CDK12: variants seen among roughly 807,000 people sequenced by gnomAD.
CDK12 encodes the protein cyclin dependent kinase 12.
In CDK12, 17 loss-of-function variants were observed where a neutral mutation model predicts 133.8. The ratio of observed to expected loss-of-function variants is 0.13; its 90% CI spans 0.09 to 0.19. The LOEUF (loss-of-function observed/expected upper bound fraction) is 0.19. Among genes scored for constraint, CDK12 ranks in the 10% least tolerant of loss-of-function variants. The probability of loss-of-function intolerance (pLI) is 1.00; values close to 1 mark genes in which losing one functional copy is unlikely to be tolerated. For missense variants in CDK12, 1,508 were observed against 1,818.7 expected, an observed-to-expected ratio of 0.83 and a Z score of 3.11; for synonymous variants, 694 against 683.6, an observed-to-expected ratio of 1.02 and a Z score of -0.24.
chr17:39,482,118 A>G (rs543992097), intron 2 of CDK12, among the ~76,000 whole-genome samples: 13 of 147,672 alleles, frequency 8.8e-5, no homozygotes, highest in Admixed American at 4.9e-4. Flanking sequence ...GGTTCAACCA[A>G]TTCTCCTGCC....
At chr17:39,467,764 C>T (rs141923516) in intron 1 of CDK12, among the ~76,000 whole-genome samples, 25 of 152,232 alleles carry the variant, frequency 1.6e-4, no homozygotes, top group African/African-American at 5.5e-4. Flanking sequence ...CAAATATGTA[C>T]AGAAGGAATG....
At chr17:39,489,794 ATT>A (rs375969591) in intron 2 of CDK12, among the ~76,000 whole-genome samples, 4 of 126,056 alleles carry the variant, frequency 3.2e-5, no homozygotes, top group Non-Finnish European at 1.6e-5. Context: ...GCCTGGCCTA[ATT>A]TTTTTTTTTT....
At chr17:39,535,664 A>G (rs1451490614), downstream of CDK12, among the ~76,000 whole-genome samples, 1 of 152,226 alleles carries the variant, frequency 6.6e-6, no homozygotes, top group Non-Finnish European at 1.5e-5. Context: ...ATTTCTAACC[A>G]GAAACCATGC....
chr17:39,537,268 C>T (rs2055175233), downstream of CDK12, among the ~76,000 whole-genome samples: 1 of 152,152 alleles, frequency 6.6e-6, no homozygotes, highest in Non-Finnish European at 1.5e-5. Context: ...AGATGACCCT[C>T]CTCACCAAGG....
chr17:39,516,807 T>A (rs889824693), intron 9 of CDK12, among the ~76,000 whole-genome samples: 1 of 151,408 alleles, frequency 6.6e-6, no homozygotes, highest in African/African-American at 2.4e-5. Context: ...GGACTACAGG[T>A]GCCCACCACC....
At chr17:39,475,548 T>C (rs952432597) in intron 2 of CDK12, among the ~76,000 whole-genome samples, 1 of 138,372 alleles carries the variant, frequency 7.2e-6, no homozygotes, top group African/African-American at 2.6e-5. Flanking sequence ...GAACCTGAAA[T>C]TTTTTTTTTT....
chr17:39,532,214 C>G lies in CDK12; in HGVS notation c.*898C>G. Reference sequence around the variant, plus strand: ...GTTTGGAAAAAATCGTTGAGATGCCCAAGAACCTGGGATAATTCTTTACTT... The same window carrying G: ...GTTTGGAAAAAATCGTTGAGATGCCGAAGAACCTGGGATAATTCTTTACTT... On this transcript the variant is annotated 3_prime_UTR_variant, in exon 14 of 14. Coordinates refer to ENST00000447079, the MANE Select transcript of CDK12 (RefSeq NM_016507.4). 1 of 233,020 alleles carries G rather than the reference C, an allele frequency of 4.3e-6. No individual in the cohort carries two copies. Among genetic ancestry groups the G allele is most frequent in the Non-Finnish European group, 8.5e-6 (1 of 117,946 alleles). The allele number at this position is 233,020 out of a possible 1,614,324, so 14.4% of individuals were successfully genotyped here. A position where few individuals can be genotyped will look rare whatever the true frequency, so the allele number is the denominator to read the frequency against.
Position 39,490,831 on chromosome 17 carries a change from G to A in CDK12, c.2108+98G>A, listed in dbSNP as rs917599722. On this transcript the variant is annotated intron_variant, in intron 3 of 13. Transcript: ENST00000447079. Reference sequence around the variant, plus strand: ...TTCTATAACCCACACCAGTAAGATCGTAGAAGTTTGGTCCCAAAGTATTTT... The same window carrying A: ...TTCTATAACCCACACCAGTAAGATCATAGAAGTTTGGTCCCAAAGTATTTT... 21 of 843,292 alleles carry A rather than the reference G, an allele frequency of 2.5e-5. No individual in the cohort carries two copies. In the South Asian group the frequency reaches 3.9e-4, roughly 16 times the overall value. The allele number at this position is 843,292 out of a possible 1,614,324, so 52.2% of individuals were successfully genotyped here.
In CDK12 at chr17:39,517,428, C is replaced by T. The variant is rs201359838; in HGVS notation, c.2847-12C>T. The T allele has an allele frequency of 3.0e-4, 460 of 1,552,454 alleles. 2 individuals carry two copies. Among genetic ancestry groups the T allele is most frequent in the Admixed American group, 3.8e-4 (22 of 57,786 alleles). On this transcript the variant is annotated splice_polypyrimidine_tract_variant and intron_variant, in intron 9 of 13. Coordinates refer to ENST00000447079, the MANE Select transcript of CDK12 (RefSeq NM_016507.4). ...ACTCACTCCATTGTTCTTGCTTTTGCTTTGTTTTCAGCCGACTTTGTGGTA... is the reference window on the plus strand; with the variant it reads ...ACTCACTCCATTGTTCTTGCTTTTGTTTTGTTTTCAGCCGACTTTGTGGTA...
At chr17:39,530,488 T>C in intron 13 of CDK12, 116 bp from the exon 14 acceptor site, 1 of 1,389,066 alleles carries the variant, frequency 7.2e-7, no homozygotes, top group African/African-American at 1.4e-5. Context: ...GATTTTATTC[T>C]TTATATATCT....
In CDK12 at chr17:39,497,147, G is replaced by A. The variant is rs140643493; in HGVS notation, c.2419+2453G>A. Among the ~76,000 whole-genome samples the A allele has an allele frequency of 2.9e-3, 445 of 152,114 alleles. 1 individual carries two copies. Among genetic ancestry groups the A allele is most frequent in the African/African-American group, 9.5e-3 (395 of 41,510 alleles). ...AGGGTTTCGCCATTTGGCCGGGCTGGTCTCAAACTTCTGTCCCCAGCTGAT... is the reference window on the plus strand; with the variant it reads ...AGGGTTTCGCCATTTGGCCGGGCTGATCTCAAACTTCTGTCCCCAGCTGAT... On this transcript the variant is annotated intron_variant, in intron 5 of 13. Transcript: ENST00000447079.
intron 1 of CDK12, among the ~76,000 whole-genome samples, chr17:39,542,166 T>C (rs949104107): frequency 6.6e-6 from 1 of 151,888 alleles, no homozygotes; most frequent in Non-Finnish European, 1.5e-5. Flanking sequence ...TATATGTGTG[T>C]GTGTGTGTAT....
At chr17:39,494,932 G>T (rs999861663) in intron 5 of CDK12, among the ~76,000 whole-genome samples, 1 of 151,984 alleles carries the variant, frequency 6.6e-6, no homozygotes, top group Non-Finnish European at 1.5e-5. Flanking sequence ...ACCACACCCA[G>T]CTAATTTTTT....
rs1016267621 is a variant in CDK12 at position 39,471,067 on chromosome 17, C to T, written c.1235C>T (p.Ala412Val). ...AAGGAAAGAGCAGCTGCTGCTGCTG[C>T]AGCAAAGATGGATGGAAAGGAGTCC... ...KKKERAAAAA[A>V]AKMDGKESKG... Residue 412 changes from alanine (A) to valine (V), a missense_variant, in exon 2 of 14, where the codon GCA becomes GTA. Around this residue, in one of 9 missense-constraint regions of CDK12, gnomAD observed 347 missense variants for 330.8 expected, o/e 1.05. Transcript: ENST00000447079. 3.7e-6 allele frequency: 6 copies of T among 1,613,328 alleles called. No individual in the cohort carries two copies. The highest frequency in any genetic ancestry group is 1.7e-5 in the Admixed American group (1 of 59,860).
At position 39,462,677 on chromosome 17, in the gene CDK12, A is replaced by G. The variant is rs763003770; in HGVS notation, c.606A>G (p.Arg202=). The part of the protein sequence containing the change: ...SGHKDRSKSH[R]KRETPKSYKT... The stretch of plus-strand genomic sequence containing the variant: ...ACAAAGACCGGAGTAAAAGTCATCG[A>G]AAAAGGGAAACACCCAAAAGTTACA... Residue 202 remains arginine, a synonymous_variant, in exon 1 of 14, where the codon CGA becomes CGG. Coordinates refer to ENST00000447079, the MANE Select transcript of CDK12 (RefSeq NM_016507.4). 6 of 1,614,208 alleles carry G rather than the reference A, an allele frequency of 3.7e-6. No homozygotes were observed. In the Admixed American group the frequency reaches 1.0e-4, roughly 27 times the overall value.
At chr17:39,564,808 G>A (rs2056515079) in exon 4 of CDK12, 2 of 152,232 alleles carry the variant, frequency 1.3e-5, no homozygotes, top group Non-Finnish European at 2.9e-5. Flanking sequence ...CCTGAAGAAA[G>A]AAGGTTACAA....
chr17:39,475,405 C>T (rs2050116068), intron 2 of CDK12, among the ~76,000 whole-genome samples: 1 of 152,072 alleles, frequency 6.6e-6, no homozygotes. Context: ...CCCAGGAGTT[C>T]AAGGCTACGG....
chr17:39,503,505 A>G (rs1386382324), intron 6 of CDK12, among the ~76,000 whole-genome samples: 5 of 152,312 alleles, frequency 3.3e-5, no homozygotes, highest in African/African-American at 4.8e-5. Context: ...TCTGGCCTAT[A>G]GTATAATATA....
At chr17:39,547,340 T>A (rs1443956658), upstream of CDK12, among the ~76,000 whole-genome samples, 1 of 152,102 alleles carries the variant, frequency 6.6e-6, no homozygotes, top group East Asian at 1.9e-4. Context: ...TTCTCCATGA[T>A]GATGAGGCTG....
Sources: allele counts gnomAD v4.1 joint callset (sites outside exome capture counted in the v4.1 genomes callset), GRCh38; gene constraint gnomAD v4.1.1; regional missense constraint gnomAD v4.1.1; transcripts MANE v1.5; gene names NCBI Gene and HGNC (gene_info 2026-07-23, HGNC 2026-07-21).